Variants in CACNB4 observed in about 807,000 individuals in gnomAD.
CACNB4 encodes voltage-dependent L-type calcium channel subunit beta-4.
In CACNB4, 32 loss-of-function variants were observed where a neutral mutation model predicts 71.2. The ratio of observed to expected loss-of-function variants is 0.45; its 90% CI spans 0.34 to 0.60. CACNB4 has a LOEUF of 0.60. Among genes scored for constraint, CACNB4 ranks in the 20% least tolerant of loss-of-function variants. CACNB4 has a pLI of 0.01. For synonymous variants in CACNB4, 231 were observed against 236.9 expected, an observed-to-expected ratio of 0.97 and a Z score of 0.23; for missense variants, 464 against 647.9, an observed-to-expected ratio of 0.72 and a Z score of 3.08.
chr2:151,839,455 A>G, intron 13 of CACNB4, 76 bp from the exon 14 acceptor site: 1 of 1,174,340 alleles, frequency 8.5e-7, no homozygotes, highest in East Asian at 2.3e-5. Flanking sequence ...ATGTAAAATC[A>G]TAGGATCTGT....
rs1044361348 is a variant in CACNB4 at position 152,025,469 on chromosome 2, G to GT, written c.147+72860dup. On this transcript the variant is annotated intron_variant, in intron 2 of 13. Coordinates refer to ENST00000539935, the MANE Select transcript of CACNB4 (RefSeq NM_000726.5). ...TCGCTGCTAGCTCACAGCCTCTATT[G>GT]TAAGCATAAGAAAGAGCAGAAATAA... Among the ~76,000 whole-genome samples, 127 of 152,290 alleles carry GT rather than the reference G, an allele frequency of 8.3e-4. 2 individuals are homozygous for GT. Among genetic ancestry groups the GT allele is most frequent in the Admixed American group, 7.1e-3 (108 of 15,294 alleles).
At chr2:151,929,466 T>A (rs978060246) in intron 2 of CACNB4, among the ~76,000 whole-genome samples, 1 of 152,182 alleles carries the variant, frequency 6.6e-6, no homozygotes, top group African/African-American at 2.4e-5. Flanking sequence ...GACCCACAAA[T>A]GGGTTATAAC....
intron 2 of CACNB4, among the ~76,000 whole-genome samples, chr2:152,080,067 AT>A (rs1466539730): frequency 6.6e-6 from 1 of 152,164 alleles, no homozygotes; most frequent in East Asian, 1.9e-4. Flanking sequence ...ATATTGAAGT[AT>A]ATGATAAGAA....
chr2:151,918,112 T>G (rs769965125), intron 2 of CACNB4, among the ~76,000 whole-genome samples: 8 of 152,202 alleles, frequency 5.3e-5, no homozygotes, highest in Non-Finnish European at 1.2e-4. Context: ...CTCAACCATA[T>G]GTACTGGTTT....
intron 2 of CACNB4, among the ~76,000 whole-genome samples, chr2:151,923,011 C>T (rs1314373316): frequency 6.6e-6 from 1 of 152,192 alleles, no homozygotes; most frequent in Non-Finnish European, 1.5e-5. Flanking sequence ...CCCAGTTGTG[C>T]AATACCCAGA....
chr2:151,924,217 T>C (rs996874117), intron 2 of CACNB4, among the ~76,000 whole-genome samples: 4 of 151,322 alleles, frequency 2.6e-5, no homozygotes, highest in Admixed American at 6.6e-5. Context: ...TAGCTGGGAC[T>C]ACAGGCGCCC....
At chr2:151,840,818 T>TCATG (rs1427418637) in intron 13 of CACNB4, among the ~76,000 whole-genome samples, 1 of 152,184 alleles carries the variant, frequency 6.6e-6, no homozygotes, top group Admixed American at 6.5e-5. Context: ...ACAAAACTCA[T>TCATG]CATGATACAA....
rs1335330278 is a variant in CACNB4 at position 151,839,120 on chromosome 2, C to A, written c.1562G>T (p.Ter521LeuextTer2). 1.9e-6 allele frequency: 3 copies of A among 1,607,032 alleles called. No individual in the cohort carries two copies. Among genetic ancestry groups the A allele is most frequent in the Non-Finnish European group, 2.6e-6 (3 of 1,175,112 alleles). Residue 521 changes from the stop codon to leucine (L), a stop_lost, in exon 14 of 14, where the codon TGA becomes TTA. Transcript: ENST00000539935. Reference protein sequence around the residue: ...GYSHDSRHRL* With the variant: ...GYSHDSRHRLL Reference sequence around the variant, plus strand: ...TGAATATTTTTTGTTTCATTAGACTCAAAGCCTATGTCGGGAGTCATGGCT... The same window carrying A: ...TGAATATTTTTTGTTTCATTAGACTAAAAGCCTATGTCGGGAGTCATGGCT...
intron 2 of CACNB4, among the ~76,000 whole-genome samples, chr2:152,067,906 A>C (rs1162240767): frequency 6.6e-6 from 1 of 152,180 alleles, no homozygotes; most frequent in Non-Finnish European, 1.5e-5. Context: ...GGCTTTTATT[A>C]ACTGCTTTGG....
At chr2:151,915,071 C>T (rs551410797) in intron 2 of CACNB4, among the ~76,000 whole-genome samples, 32 of 152,280 alleles carry the variant, frequency 2.1e-4, no homozygotes, top group African/African-American at 7.7e-4. Flanking sequence ...TCAGAACTAC[C>T]AAGAGGAGAG....
rs565460113 is a variant in CACNB4, at chr2:152,020,189, G to A, written c.147+78141C>T. ...TTTGCAGACTAAGAAGTACCCAACAGCATCGATTTGAGATGCTGGGGCCAT... is the reference window on the plus strand; with the variant it reads ...TTTGCAGACTAAGAAGTACCCAACAACATCGATTTGAGATGCTGGGGCCAT... On this transcript the variant is annotated intron_variant, in intron 2 of 13. Transcript: ENST00000539935. Among the ~76,000 whole-genome samples the A allele has an allele frequency of 3.3e-5, 5 of 152,320 alleles. No individual in the cohort carries two copies. In the East Asian group the frequency reaches 5.8e-4, roughly 18 times the overall value.
At chr2:152,011,136 A>T (rs1363326562) in intron 2 of CACNB4, among the ~76,000 whole-genome samples, 2 of 152,236 alleles carry the variant, frequency 1.3e-5, no homozygotes, top group Non-Finnish European at 2.9e-5. Flanking sequence ...CTGTCTCATG[A>T]GGTAGCAAGG....
intron 2 of CACNB4, among the ~76,000 whole-genome samples, chr2:151,919,659 G>A (rs1578795736): frequency 1.3e-5 from 2 of 152,138 alleles, no homozygotes; most frequent in South Asian, 2.1e-4. Flanking sequence ...TCACTGCCTC[G>A]CCATACTCCC....
At position 152,098,274 on chromosome 2, in the gene CACNB4, C is replaced by CCCG. The variant is rs1404602549; in HGVS notation, c.147+53_147+55dup. The CCCG allele has an allele frequency of 7.0e-7, 1 of 1,437,002 alleles. No individual in the cohort carries two copies. The highest frequency in any genetic ancestry group is 9.8e-7 in the Non-Finnish European group (1 of 1,020,370). The allele number at this position is 1,437,002 out of a possible 1,614,324, so 89.0% of individuals were successfully genotyped here. The stretch of plus-strand genomic sequence containing the variant: ...GTGGGCCACGGCCGGCTCCAGGACC[C>CCCG]CCGCGCCGCGCGCTCGGCCTCCTCC... On this transcript the variant is annotated intron_variant, in intron 2 of 13. Coordinates refer to ENST00000539935, the MANE Select transcript of CACNB4 (RefSeq NM_000726.5). The surrounding 1 kb of genome is among the most constrained non-coding windows in gnomAD (Gnocchi z 5.3).
At chr2:151,994,747 C>T (rs144676601) in intron 2 of CACNB4, among the ~76,000 whole-genome samples, 24 of 152,322 alleles carry the variant, frequency 1.6e-4, no homozygotes, top group Non-Finnish European at 3.2e-4. Context: ...ATCATTTAGG[C>T]CAGGTTTTCC....
chr2:152,085,270 G>C (rs796566116), intron 2 of CACNB4, among the ~76,000 whole-genome samples: 8 of 152,258 alleles, frequency 5.3e-5, no homozygotes, highest in African/African-American at 1.9e-4. Flanking sequence ...ACAGATCCGG[G>C]GAGATGGGAG....
intron 4 of CACNB4, chr2:151,879,887 G>A (rs1433747059): frequency 6.6e-6 from 1 of 152,226 alleles, no homozygotes; most frequent in East Asian, 1.9e-4. Flanking sequence ...GAGTGTGCAT[G>A]TCACATGTAA....
At chr2:151,945,739 T>C (rs776374017) in intron 2 of CACNB4, among the ~76,000 whole-genome samples, 2 of 151,936 alleles carry the variant, frequency 1.3e-5, no homozygotes, top group Non-Finnish European at 2.9e-5. Flanking sequence ...TGAGTTAATA[T>C]ATGTAAAGTA....
intron 2 of CACNB4, among the ~76,000 whole-genome samples, chr2:152,090,839 C>A (rs1365949187): frequency 6.6e-6 from 1 of 151,754 alleles, no homozygotes. Flanking sequence ...TGAAGTCAGG[C>A]ATTCAAGACC....
Sources: gnomAD v4.1 joint callset for allele counts (sites outside exome capture counted in the v4.1 genomes callset) on GRCh38, gnomAD v4.1.1 for gene constraint, Gnocchi (gnomAD v3.1) non-coding constraint, MANE v1.5 for transcripts, NCBI Gene and HGNC (gene_info 2026-07-23, HGNC 2026-07-21) for gene names.